ARHGAP35: variants seen among roughly 807,000 people sequenced by gnomAD.
The protein encoded by ARHGAP35 is rho GTPase-activating protein 35.
Under a neutral mutation model 111.1 loss-of-function variants are expected in ARHGAP35, and 15 were observed. That is an observed-to-expected ratio of 0.13 (90% CI 0.09 to 0.21). The LOEUF (loss-of-function observed/expected upper bound fraction) is 0.21. ARHGAP35 is among the 10% of genes least tolerant of loss of function. ARHGAP35 has a pLI of 1.00. For synonymous variants in ARHGAP35, 643 were observed against 710.3 expected (o/e 0.91, Z 1.51); for missense variants, 1,262 against 1,873.0 (o/e 0.67, Z 6.02).
intron 1 of ARHGAP35, among the ~76,000 whole-genome samples, chr19:46,862,144 G>C (rs1230446693): frequency 6.6e-6 from 1 of 152,002 alleles, no homozygotes; most frequent in Non-Finnish European, 1.5e-5. Flanking sequence ...CCCGACCTCA[G>C]ATCTTGCTGC....
At chr19:46,879,589 A>AATAAATAAATAAATAAATAG (rs1332379936) in intron 1 of ARHGAP35, among the ~76,000 whole-genome samples, 11 of 146,816 alleles carry the variant, frequency 7.5e-5, no homozygotes, top group Non-Finnish European at 1.5e-4. Context: ...TCCATCTCAA[A>AATAAATAAATAAATAAATAG]ATAAATAAAT....
chr19:46,975,807 T>A lies in ARHGAP35; in HGVS notation c.3827-12182T>A, dbSNP rs576839144. 5.3e-5 allele frequency among the ~76,000 whole-genome samples: 8 copies of A among 152,290 alleles called. No individual in the cohort carries two copies. In the South Asian group the frequency reaches 1.7e-3, roughly 32 times the overall value. ...AAAACCTCCGTGTTTCCCTCCACATTCATCATAGCCACCAGTTCCTAGAGC... is the reference window on the plus strand; with the variant it reads ...AAAACCTCCGTGTTTCCCTCCACATACATCATAGCCACCAGTTCCTAGAGC... On this transcript the variant is annotated intron_variant, in intron 3 of 6. Transcript: ENST00000672722.
rs377726894 is a variant in ARHGAP35 at position 46,920,493 on chromosome 19, C to T, written c.1818C>T (p.Asp606=). The change falls in exon 2 of 7, where the codon GAC becomes GAT. Residue 606 remains aspartate, a synonymous_variant. Coordinates refer to ENST00000672722, the MANE Select transcript of ARHGAP35 (RefSeq NM_004491.5). This position sits in a 1 kb window ranked among gnomAD's most constrained non-coding sequence, Gnocchi z 7.0. ...DRINLVILGK[D]GLARELANEI... is the part of the protein sequence containing the mutation. ...TCAACTTGGTTATATTGGGCAAAGACGGCCTTGCCCGAGAGTTGGCCAATG... is the reference window on the plus strand; with the variant it reads ...TCAACTTGGTTATATTGGGCAAAGATGGCCTTGCCCGAGAGTTGGCCAATG... 156 of 1,613,970 alleles carry T rather than the reference C, an allele frequency of 9.7e-5. No individual in the cohort carries two copies. The East Asian group carries it at 2.5e-3, about 26-fold the overall frequency.
At chr19:46,951,713 A>C (rs1416129800) in intron 3 of ARHGAP35, among the ~76,000 whole-genome samples, 1 of 152,176 alleles carries the variant, frequency 6.6e-6, no homozygotes, top group Non-Finnish European at 1.5e-5. Flanking sequence ...TCTAAGATGC[A>C]TCTTCCACTC....
At chr19:46,889,750 CAAA>C (rs5828291) in intron 1 of ARHGAP35, among the ~76,000 whole-genome samples, 70 of 85,242 alleles carry the variant, frequency 8.2e-4, no homozygotes, top group African/African-American at 3.3e-3. Flanking sequence ...GACTCCGTCT[CAAA>C]AAAAAAAAAA....
intron 1 of ARHGAP35, among the ~76,000 whole-genome samples, chr19:46,862,799 C>CT (rs2055835873): frequency 6.6e-6 from 1 of 152,138 alleles, no homozygotes; most frequent in African/African-American, 2.4e-5. Context: ...ATGACAGTCT[C>CT]TTCCCCCCAC....
At chr19:46,917,868 C>T (rs2056172944) in intron 1 of ARHGAP35, among the ~76,000 whole-genome samples, 1 of 152,020 alleles carries the variant, frequency 6.6e-6, no homozygotes, top group South Asian at 2.1e-4. Flanking sequence ...CACATGTCAC[C>T]ACACCCAGCT....
At chr19:46,958,883 C>T (rs1381684250) in intron 3 of ARHGAP35, among the ~76,000 whole-genome samples, 4 of 152,158 alleles carry the variant, frequency 2.6e-5, no homozygotes, top group African/African-American at 4.8e-5. Context: ...GCCGTTTTTA[C>T]TCATATATTG....
chr19:46,916,422 C>T (rs554031210), intron 1 of ARHGAP35, among the ~76,000 whole-genome samples: 2 of 144,214 alleles, frequency 1.4e-5, no homozygotes, highest in Non-Finnish European at 3.0e-5. Context: ...CTTCAGGTCT[C>T]ACCTGAGATG....
Position 46,989,405 on chromosome 19 carries a change from C to T in ARHGAP35, c.3905-139C>T, listed in dbSNP as rs914743186. ...GAACTCGCGTTAGCGCTCACAAGTCCCACCCCTCCAATCCTTGCCAGTCCT... is the reference window on the plus strand; with the variant it reads ...GAACTCGCGTTAGCGCTCACAAGTCTCACCCCTCCAATCCTTGCCAGTCCT... On this transcript the variant is annotated intron_variant, in intron 4 of 6. Coordinates refer to ENST00000672722, the MANE Select transcript of ARHGAP35 (RefSeq NM_004491.5). The surrounding 1 kb of genome is among the most constrained non-coding windows in gnomAD (Gnocchi z 5.3). 1.8e-5 allele frequency: 21 copies of T among 1,136,260 alleles called. No homozygotes were observed. The highest frequency in any genetic ancestry group is 1.5e-4 in the Admixed American group (6 of 40,314). 70.4% of individuals were successfully genotyped at this position (1,136,260 alleles called of 1,614,324 possible).
At chr19:46,869,294 G>A (rs1025306335) in intron 1 of ARHGAP35, among the ~76,000 whole-genome samples, 1 of 151,844 alleles carries the variant, frequency 6.6e-6, no homozygotes, top group African/African-American at 2.4e-5. Context: ...GCCTCCTGAG[G>A]TGTATATATA....
chr19:46,976,627 G>A (rs1240515083), intron 3 of ARHGAP35, among the ~76,000 whole-genome samples: 1 of 152,218 alleles, frequency 6.6e-6, no homozygotes, highest in Non-Finnish European at 1.5e-5. Context: ...GGGAGCTCGG[G>A]CAGACAGGTT....
chr19:46,867,817 T>G (rs2055866802), intron 1 of ARHGAP35, among the ~76,000 whole-genome samples: 1 of 152,078 alleles, frequency 6.6e-6, no homozygotes, highest in Admixed American at 6.5e-5. Flanking sequence ...TAATGGCCAT[T>G]TGCAGGCTTT....
rs532093464 is a variant in ARHGAP35, at chr19:46,959,915, T to C, written c.3826+22507T>C. On this transcript the variant is annotated intron_variant, in intron 3 of 6. Transcript: ENST00000672722. ...GAGTTCGAGACCAGCCTGGGCAACATAGCAAGACCTTGCCTCTACAAAAAA... is the reference window on the plus strand; with the variant it reads ...GAGTTCGAGACCAGCCTGGGCAACACAGCAAGACCTTGCCTCTACAAAAAA... 4.0e-5 allele frequency among the ~76,000 whole-genome samples: 6 copies of C among 150,908 alleles called. No individual in the cohort carries two copies. In the East Asian group the frequency reaches 9.8e-4, roughly 25 times the overall value.
intron 1 of ARHGAP35, among the ~76,000 whole-genome samples, chr19:46,916,048 T>C (rs1417445113): frequency 2.0e-5 from 3 of 151,372 alleles, no homozygotes; most frequent in African/African-American, 7.3e-5. Context: ...CATTCTCCTG[T>C]CTCAGCCTCC....
intron 1 of ARHGAP35, among the ~76,000 whole-genome samples, chr19:46,878,994 T>C (rs1295297275): frequency 2.0e-5 from 3 of 152,232 alleles, no homozygotes; most frequent in South Asian, 2.1e-4. Flanking sequence ...TAGCATGCAA[T>C]GCTGTTTGAT....
intron 2 of ARHGAP35, among the ~76,000 whole-genome samples, chr19:46,933,211 T>C (rs571067012): frequency 6.6e-6 from 1 of 151,048 alleles, no homozygotes; most frequent in African/African-American, 2.4e-5. Flanking sequence ...TGGCACAATT[T>C]TGACTCACTG....
chr19:46,924,301 C>T (rs951559676), intron 2 of ARHGAP35, among the ~76,000 whole-genome samples: 5 of 152,184 alleles, frequency 3.3e-5, no homozygotes, highest in African/African-American at 4.8e-5. Context: ...CTGCGGGCCC[C>T]GAGAGATGGA....
intron 3 of ARHGAP35, among the ~76,000 whole-genome samples, chr19:46,953,330 G>T (rs369745349): frequency 2.3e-4 from 35 of 152,300 alleles, no homozygotes; most frequent in African/African-American, 8.2e-4. Flanking sequence ...GAGGGCTGGG[G>T]AAGAGTGGCT....
Sources: gnomAD v4.1 joint callset for allele counts (sites outside exome capture counted in the v4.1 genomes callset) on GRCh38, gnomAD v4.1.1 for gene constraint, Gnocchi (gnomAD v3.1) non-coding constraint, MANE v1.5 for transcripts, NCBI Gene and HGNC (gene_info 2026-07-23, HGNC 2026-07-21) for gene names.